Variants in SRP72 observed in about 807,000 individuals in gnomAD.
SRP72 encodes signal recognition particle subunit SRP72.
SRP72 carries 49 observed loss-of-function variants against 96.3 expected under a neutral mutation model. The ratio of observed to expected loss-of-function variants is 0.51; its 90% CI spans 0.40 to 0.65. The LOEUF (loss-of-function observed/expected upper bound fraction) is 0.65, where lower values mean the gene tolerates loss of function less well. SRP72 is among the 30% of genes least tolerant of loss of function. The pLI is 0.00. For synonymous variants in SRP72, 267 were observed against 275.2 expected (o/e 0.97, Z 0.30); for missense variants, 736 against 793.3 (o/e 0.93, Z 0.87).
At position 56,490,231 on chromosome 4, in the gene SRP72, C is replaced by G. The variant is rs12643996; in HGVS notation, c.1321-102C>G. ...TTCAGTGAAACTTAAGATGAGGGATCTAATGCATAGGTGTATTTCTTAAAG... is the reference window on the plus strand; with the variant it reads ...TTCAGTGAAACTTAAGATGAGGGATGTAATGCATAGGTGTATTTCTTAAAG... On this transcript the variant is annotated intron_variant, in intron 13 of 18. Transcript: ENST00000642900. 82,539 of 817,706 alleles carry G rather than the reference C, an allele frequency of 0.1. 5,175 individuals are homozygous for G. The highest frequency in any genetic ancestry group is 0.23 in the East Asian group (8,705 of 37,832). 50.7% of individuals were successfully genotyped at this position (817,706 alleles called of 1,614,324 possible).
intron 9 of SRP72, among the ~76,000 whole-genome samples, chr4:56,483,930 A>G (rs1383280639): frequency 6.6e-6 from 1 of 151,928 alleles, no homozygotes; most frequent in Non-Finnish European, 1.5e-5. Flanking sequence ...CAAGTTATAA[A>G]TGTTAAGGAA....
chr4:56,472,053 A>G (rs1334322239), intron 3 of SRP72, among the ~76,000 whole-genome samples: 1 of 152,208 alleles, frequency 6.6e-6, no homozygotes, highest in Non-Finnish European at 1.5e-5. Context: ...TGACTTCCTC[A>G]GGTAATCAGA....
At chr4:56,492,312 GT>G (rs1720937533) in intron 16 of SRP72, among the ~76,000 whole-genome samples, 1 of 152,072 alleles carries the variant, frequency 6.6e-6, no homozygotes, top group Admixed American at 6.6e-5. Context: ...ACATCATTTA[GT>G]ATATGATTTC....
chr4:56,478,380 A>G lies in SRP72; in HGVS notation c.644A>G (p.Asp215Gly). 6.3e-7 allele frequency: 1 copy of G among 1,588,638 alleles called. No individual in the cohort carries two copies. The highest frequency in any genetic ancestry group is 8.5e-7 in the Non-Finnish European group (1 of 1,170,714). The change falls in exon 7 of 19, where the codon GAT becomes GGT. Residue 215 changes from aspartate (D) to glycine (G), a missense_variant and splice_region_variant. Physicochemically the swap from Asp to Gly is moderately conservative, Grantham distance 94. Transcript: ENST00000642900. Reference protein sequence around the residue: ...LCRRSLSEDTDGTEEDPQAEL... With the variant: ...LCRRSLSEDTGGTEEDPQAEL... ...GGGAAAAACATTTCTTTCTCTTAGG[A>G]TGGGACTGAGGAAGACCCACAGGCA...
intron 16 of SRP72, among the ~76,000 whole-genome samples, chr4:56,492,021 TAG>T (rs1401200955): frequency 1.3e-5 from 2 of 152,122 alleles, no homozygotes; most frequent in Non-Finnish European, 2.9e-5. Context: ...GTGCATTTAG[TAG>T]AGACAGGGTT....
intron 17 of SRP72, among the ~76,000 whole-genome samples, chr4:56,497,690 T>C (rs1466458508): frequency 2.6e-5 from 4 of 152,150 alleles, no homozygotes; most frequent in Admixed American, 2.0e-4. Context: ...TCACCGAGAA[T>C]ATTCTGTTCT....
In SRP72 at chr4:56,479,274, C is replaced by T. The variant is rs930694512; in HGVS notation, c.825+625C>T. Among the ~76,000 whole-genome samples the T allele has an allele frequency of 5.9e-5, 9 of 152,092 alleles. No homozygotes were observed. The South Asian group carries it at 1.0e-3, about 18-fold the overall frequency. On this transcript the variant is annotated intron_variant, in intron 8 of 18. Transcript: ENST00000642900. ...GGCTCACTGCAACCTCCGCCTCCCGCGTTCACGCCATTCTCCTGCCTCAGC... is the reference window on the plus strand; with the variant it reads ...GGCTCACTGCAACCTCCGCCTCCCGTGTTCACGCCATTCTCCTGCCTCAGC...
rs1194511128 is a variant in SRP72 at position 56,476,665 on chromosome 4, C to T, written c.611-6C>T. On this transcript the variant is annotated splice_polypyrimidine_tract_variant and splice_region_variant and intron_variant, in intron 5 of 18. Transcript: ENST00000642900. Reference sequence around the variant, plus strand: ...TACTACTTTTAAAACAATTTTTCTCCTGTAGATCTTTGCCGCCGTTCATTA... The same window carrying T: ...TACTACTTTTAAAACAATTTTTCTCTTGTAGATCTTTGCCGCCGTTCATTA... 6.2e-7 allele frequency: 1 copy of T among 1,612,122 alleles called. No homozygotes were observed. The highest frequency in any genetic ancestry group is 1.7e-5 in the Admixed American group (1 of 59,876).
Position 56,471,796 on chromosome 4 carries a change from A to G in SRP72, c.307A>G (p.Ser103Gly), listed in dbSNP as rs1719990108. ...RIENALKTIE[S>G]ANQQTDKLKE... ...TGAGAATGCCTTGAAGACAATAGAA[A>G]GTGCCAACCAGCAGACAGACAAACT... Residue 103 changes from serine to glycine, a missense_variant, in exon 3 of 19, where the codon AGT becomes GGT. Physicochemically the swap from Ser to Gly is moderately conservative, Grantham distance 56. Coordinates refer to ENST00000642900, the MANE Select transcript of SRP72 (RefSeq NM_006947.4). 3 of 1,614,156 alleles carry G rather than the reference A, an allele frequency of 1.9e-6. No homozygotes were observed. The highest frequency in any genetic ancestry group is 1.1e-5 in the South Asian group (1 of 91,082).
rs1436807508 is a variant in SRP72 at position 56,500,410 on chromosome 4, A to C, written c.1679-126A>C. Reference sequence around the variant, plus strand: ...TTTCGCCTGCTAGATTATACAAACTAAACTTTCTCAAATAAATTCATTTCC... The same window carrying C: ...TTTCGCCTGCTAGATTATACAAACTCAACTTTCTCAAATAAATTCATTTCC... On this transcript the variant is annotated intron_variant, in intron 17 of 18. Transcript: ENST00000642900. The C allele has an allele frequency of 3.7e-6, 4 of 1,075,342 alleles. No individual in the cohort carries two copies. In the African/African-American group the frequency reaches 6.4e-5, roughly 17 times the overall value. 66.6% of individuals were successfully genotyped at this position (1,075,342 alleles called of 1,614,324 possible).
intron 14 of SRP72, 43 bp downstream of exon 14, chr4:56,490,479 G>A (rs765279121): frequency 1.2e-6 from 2 of 1,602,992 alleles, no homozygotes; most frequent in Admixed American, 1.7e-5. Context: ...CACATTTATT[G>A]TTGCTACTTG....
At chr4:56,495,217 T>G (rs1721035221) in intron 16 of SRP72, 140 bp from the exon 17 acceptor site, 1 of 455,540 alleles carries the variant, frequency 2.2e-6, no homozygotes, top group Non-Finnish European at 3.9e-6. Flanking sequence ...TCTTAACTAA[T>G]TTGTTAGCTT....
intron 12 of SRP72, among the ~76,000 whole-genome samples, chr4:56,488,539 T>C (rs911740037): frequency 3.9e-5 from 6 of 152,212 alleles, no homozygotes; most frequent in African/African-American, 1.4e-4. Flanking sequence ...AAATGTAATA[T>C]GGTAGTGCTT....
chr4:56,502,120 CTTTAT>C lies in SRP72; in HGVS notation c.*260_*264del. On this transcript the variant is annotated 3_prime_UTR_variant, in exon 19 of 19. Transcript: ENST00000642900. ...TACCCATCTTGGTATCTGTTGTATC[CTTTAT>C]CTGTGTGTGCTGATTTGATCTTTTT... is the stretch of plus-strand genomic sequence containing the variant. 1 of 410,200 alleles carries C rather than the reference CTTTAT, an allele frequency of 2.4e-6. No individual in the cohort carries two copies. The highest frequency in any genetic ancestry group is 2.4e-5 in the South Asian group (1 of 40,988). 25.4% of individuals were successfully genotyped at this position (410,200 alleles called of 1,614,324 possible).
chr4:56,484,988 A>G (rs1720651002), intron 10 of SRP72, 124 bp downstream of exon 10: 2 of 1,173,576 alleles, frequency 1.7e-6, no homozygotes, highest in Admixed American at 3.5e-5. Context: ...CCACTACACA[A>G]ATTTCATTGT....
At chr4:56,469,619 T>C in intron 1 of SRP72, 34 bp from the exon 2 acceptor site, 1 of 1,520,488 alleles carries the variant, frequency 6.6e-7, no homozygotes, top group Non-Finnish European at 8.9e-7. Flanking sequence ...AGGAAATGGA[T>C]TTAAAAATGA....
chr4:56,493,305 G>A (rs1438997406), intron 16 of SRP72, among the ~76,000 whole-genome samples: 1 of 151,884 alleles, frequency 6.6e-6, no homozygotes, highest in Non-Finnish European at 1.5e-5. Context: ...CAAAGTGCTG[G>A]GATTACAGGC....
Position 56,500,599 on chromosome 4 carries a change from G to A in SRP72, c.1742G>A (p.Arg581Gln), listed in dbSNP as rs763555511. 1.7e-5 allele frequency: 28 copies of A among 1,613,806 alleles called. No individual in the cohort carries two copies. The highest frequency in any genetic ancestry group is 5.0e-5 in the Admixed American group (3 of 59,980). ...GATCCAGAAAGATGGCTGCCAATGC[G>A]AGAACGTTCTTACTACCGGGGAAGA... ...TPDPERWLPMRERSYYRGRKK... is the reference protein window; with the variant it reads ...TPDPERWLPMQERSYYRGRKK... The change falls in exon 18 of 19, where the codon CGA becomes CAA. Residue 581 changes from arginine (R) to glutamine (Q), a missense_variant. By Grantham distance (43) the Arg-to-Gln change is conservative. Coordinates refer to ENST00000642900, the MANE Select transcript of SRP72 (RefSeq NM_006947.4).
At chr4:56,478,230 G>T (rs1402495946) in intron 6 of SRP72, 149 bp from the exon 7 acceptor site, 1 of 460,388 alleles carries the variant, frequency 2.2e-6, no homozygotes, top group Non-Finnish European at 3.4e-6. Flanking sequence ...CTTCTCTCTT[G>T]CTGGCTGTTT....
Sources: gnomAD v4.1 joint callset for allele counts (sites outside exome capture counted in the v4.1 genomes callset) on GRCh38, gnomAD v4.1.1 for gene constraint, MANE v1.5 for transcripts, NCBI Gene and HGNC (gene_info 2026-07-23, HGNC 2026-07-21) for gene names.